Variants in DCAF6 observed in about 807,000 individuals in gnomAD.
The protein encoded by DCAF6 is DDB1 and CUL4 associated factor 6.
A neutral mutation model predicts 125.1 loss-of-function variants in DCAF6; 54 were observed. That is an observed-to-expected ratio of 0.43 (90% confidence interval 0.35 to 0.54). DCAF6 has a LOEUF of 0.54. Among genes scored for constraint, DCAF6 ranks in the 20% least tolerant of loss-of-function variants. DCAF6 has a pLI of 0.01. For synonymous variants in DCAF6, 371 were observed against 390.4 expected, an observed-to-expected ratio of 0.95 and a Z score of 0.58; for missense variants, 934 against 1,161.7, an observed-to-expected ratio of 0.80 and a Z score of 2.85.
the DCAF6 span, among the ~76,000 whole-genome samples, chr1:167,907,245 A>G: frequency 6.6e-6 from 1 of 152,368 alleles, no homozygotes; most frequent in African/African-American, 2.4e-5. Flanking sequence ...CTACTCATGG[A>G]TCCCAGAAAA....
intron 4 of DCAF6, among the ~76,000 whole-genome samples, chr1:167,980,782 A>G (rs1480173296): frequency 6.6e-6 from 1 of 152,010 alleles, no homozygotes; most frequent in Non-Finnish European, 1.5e-5. Context: ...CACCCGTTCC[A>G]TGGATTGTCT....
At chr1:167,948,396 C>T (rs1673416910) in intron 1 of DCAF6, among the ~76,000 whole-genome samples, 1 of 152,110 alleles carries the variant, frequency 6.6e-6, no homozygotes, top group Non-Finnish European at 1.5e-5. Context: ...CAAGTAAGAA[C>T]TAAGGCTCTG....
At chr1:167,975,107 C>G (rs1157516617) in intron 4 of DCAF6, 92 bp downstream of exon 4, 1 of 723,104 alleles carries the variant, frequency 1.4e-6, no homozygotes, top group Non-Finnish European at 2.1e-6. Flanking sequence ...TGTACATGTA[C>G]AGATGTGTGT....
intron 2 of DCAF6, among the ~76,000 whole-genome samples, chr1:167,956,624 T>C (rs1201346974): frequency 6.6e-6 from 1 of 152,158 alleles, no homozygotes; most frequent in Non-Finnish European, 1.5e-5. Context: ...GCTCTTTGTT[T>C]TGTAATTTTT....
chr1:167,926,025 G>A, the DCAF6 span, among the ~76,000 whole-genome samples: 1 of 152,086 alleles, frequency 6.6e-6, no homozygotes, highest in Admixed American at 6.6e-5. Flanking sequence ...AGAGAAGCTG[G>A]GTATCATTAG....
intron 10 of DCAF6, among the ~76,000 whole-genome samples, chr1:168,009,770 CT>C (rs1306124444): frequency 6.6e-6 from 1 of 151,080 alleles, no homozygotes; most frequent in Non-Finnish European, 1.5e-5. Context: ...TTTCCTTTTT[CT>C]TCTTGCTGAA....
intron 7 of DCAF6, among the ~76,000 whole-genome samples, chr1:167,995,269 A>G (rs941837172): frequency 6.6e-6 from 1 of 152,256 alleles, no homozygotes; most frequent in African/African-American, 2.4e-5. Flanking sequence ...AAAGATATTT[A>G]TATAATCAGA....
chr1:167,918,551 A>G, the DCAF6 span, among the ~76,000 whole-genome samples: 1 of 151,744 alleles, frequency 6.6e-6, no homozygotes, highest in Non-Finnish European at 1.5e-5. Context: ...GTTCATTTGC[A>G]TCTGGATTTT....
At chr1:167,868,095 C>T in the DCAF6 span, among the ~76,000 whole-genome samples, 3 of 152,262 alleles carry the variant, frequency 2.0e-5, no homozygotes, top group Middle Eastern at 3.4e-3. Context: ...AAACTCTCTC[C>T]GGAACCAGTA....
At chr1:168,012,436 T>C (rs2103147707) in intron 10 of DCAF6, among the ~76,000 whole-genome samples, 1 of 152,336 alleles carries the variant, frequency 6.6e-6, no homozygotes, top group Non-Finnish European at 1.5e-5. Context: ...CTTGTTGAAT[T>C]TTTATCATCG....
the DCAF6 span, among the ~76,000 whole-genome samples, chr1:167,909,095 C>T: frequency 6.6e-6 from 1 of 152,142 alleles, no homozygotes; most frequent in Non-Finnish European, 1.5e-5. Context: ...TGAAGGTAAC[C>T]TTTCTTATTT....
Position 167,991,215 on chromosome 1 carries a change from T to A in DCAF6, c.564T>A (p.Ile188=), listed in dbSNP as rs754022376. ...GTTATGTTTTGTAGGATATTTTAAT[T>A]AACTGTCGACGTGCTGCCACGTCTG... The part of the protein sequence containing the change: ...TKEDCKDDIL[I]NCRRAATSVA... The change falls in exon 6 of 22, where the codon ATT becomes ATA. Residue 188 remains isoleucine (I), a synonymous_variant. Transcript: ENST00000367840. The A allele has an allele frequency of 6.2e-7, 1 of 1,610,900 alleles. No homozygotes were observed. The highest frequency in any genetic ancestry group is 8.5e-7 in the Non-Finnish European group (1 of 1,179,218).
chr1:168,018,996 A>G (rs1685330983), intron 11 of DCAF6, among the ~76,000 whole-genome samples: 1 of 152,076 alleles, frequency 6.6e-6, no homozygotes, highest in African/African-American at 2.4e-5. Flanking sequence ...AATACAGTAT[A>G]TATGAAGTTA....
intron 2 of DCAF6, among the ~76,000 whole-genome samples, chr1:167,954,454 T>C (rs191832499): frequency 6.6e-6 from 1 of 152,128 alleles, no homozygotes; most frequent in East Asian, 1.9e-4. Context: ...TTTATTTTTT[T>C]ATTTTTTTAT....
intron 17 of DCAF6, among the ~76,000 whole-genome samples, chr1:168,062,144 T>G (rs1208536221): frequency 6.6e-6 from 1 of 152,104 alleles, no homozygotes; most frequent in East Asian, 1.9e-4. Flanking sequence ...CTAAAGAAGC[T>G]AGACATAAAA....
chr1:167,980,271 G>A (rs987429158), intron 4 of DCAF6, among the ~76,000 whole-genome samples: 4 of 152,202 alleles, frequency 2.6e-5, no homozygotes, highest in Non-Finnish European at 5.9e-5. Context: ...GAATAATGCT[G>A]CAGTGAAGAT....
chr1:168,050,957 A>T, intron 17 of DCAF6, 24 bp downstream of exon 17: 1 of 1,238,366 alleles, frequency 8.1e-7, no homozygotes, highest in Non-Finnish European at 1.1e-6. Context: ...TTCCTTCATA[A>T]TTTTTTTTTT....
chr1:167,891,582 G>A, the DCAF6 span, among the ~76,000 whole-genome samples: 73 of 151,486 alleles, frequency 4.8e-4, 1 homozygote, highest in African/African-American at 1.3e-3. Context: ...CATGAACCCG[G>A]GAGGCGGAGC....
chr1:167,975,268 C>T (rs1677974598), intron 4 of DCAF6, among the ~76,000 whole-genome samples: 1 of 152,136 alleles, frequency 6.6e-6, no homozygotes, highest in African/African-American at 2.4e-5. Context: ...GCTTGAGCAA[C>T]CATGCTGTAA....
Sources: gnomAD v4.1 joint callset for allele counts (sites outside exome capture counted in the v4.1 genomes callset) on GRCh38, gnomAD v4.1.1 for gene constraint, MANE v1.5 for transcripts, NCBI Gene and HGNC (gene_info 2026-07-23, HGNC 2026-07-21) for gene names.